The following RIN2 variants were observed in gnomAD, a reference collection of about 807,000 sequenced individuals.
RIN2 encodes RAB5 interacting protein 2.
RIN2 carries 36 observed loss-of-function variants against 78.0 expected under a neutral mutation model. The observed-to-expected ratio is 0.46, with a 90% CI of 0.35 to 0.61. The LOEUF is 0.61. Ranked by LOEUF, RIN2 falls within the 20% of genes least tolerant of loss-of-function variation. The pLI is 0.00. For missense variants in RIN2, 1,087 were observed against 1,159.7 expected, an observed-to-expected ratio of 0.94 and a Z score of 0.91; for synonymous variants, 466 against 466.8, an observed-to-expected ratio of 1.00 and a Z score of 0.02.
At chr20:19,805,907 C>G (rs1363369431) in intron 2 of RIN2, among the ~76,000 whole-genome samples, 1 of 152,070 alleles carries the variant, frequency 6.6e-6, no homozygotes, top group East Asian at 1.9e-4. Flanking sequence ...GTGATGCTCC[C>G]CTATCCTGTG....
At chr20:19,822,675 CAA>C (rs11468741) in intron 2 of RIN2, among the ~76,000 whole-genome samples, 9,043 of 152,106 alleles carry the variant, frequency 0.059, 479 homozygotes, top group African/African-American at 0.14. Flanking sequence ...CACCCACACA[CAA>C]TTACAAATTC....
At chr20:19,976,266 G>A (rs571916456) in intron 9 of RIN2, among the ~76,000 whole-genome samples, 3 of 152,110 alleles carry the variant, frequency 2.0e-5, no homozygotes, top group Non-Finnish European at 2.9e-5. Flanking sequence ...AGTTTCCACC[G>A]CAAGCTTACC....
rs916567464 is a variant in RIN2, at chr20:19,962,292, G to GA, written c.463+1487dup. Among the ~76,000 whole-genome samples the GA allele has an allele frequency of 3.1e-4, 47 of 149,650 alleles. 1 individual carries two copies. The highest frequency in any genetic ancestry group is 1.0e-4 in the Non-Finnish European group (7 of 67,322). ...CAGAGCCAGACCGTGTCTTAAAAAT[G>GA]AAAAAACAACCCAAAAATATTAAAA... On this transcript the variant is annotated intron_variant, in intron 6 of 12. Coordinates refer to ENST00000255006, the MANE Select transcript of RIN2 (RefSeq NM_018993.4).
At position 19,769,587 on chromosome 20, in the gene RIN2, T is replaced by C. The variant is rs117084294; in HGVS notation, c.-163+11260T>C. On this transcript the variant is annotated intron_variant, in intron 1 of 12. Coordinates refer to ENST00000255006, the MANE Select transcript of RIN2 (RefSeq NM_018993.4). ...ATGTAAATTACTTCAAACTAGCAGA[T>C]CACAAGAGATTTCAGAGATGAAGCA... is the stretch of plus-strand genomic sequence containing the variant. Among the ~76,000 whole-genome samples the C allele has an allele frequency of 5.3e-5, 8 of 152,298 alleles. No homozygotes were observed. The South Asian group carries it at 1.2e-3, about 24-fold the overall frequency.
intron 1 of RIN2, among the ~76,000 whole-genome samples, chr20:19,782,619 C>T (rs538673165): frequency 1.7e-4 from 26 of 150,480 alleles, no homozygotes; most frequent in Non-Finnish European, 3.0e-4. Context: ...TTAAAAATAA[C>T]GGCTGATTTA....
intron 2 of RIN2, among the ~76,000 whole-genome samples, chr20:19,841,417 C>T (rs1299525184): frequency 6.6e-6 from 1 of 152,092 alleles, no homozygotes. Context: ...GTAACAAACG[C>T]AGCCCCATAG....
intron 3 of RIN2, among the ~76,000 whole-genome samples, chr20:19,910,570 C>CTT (rs11476687): frequency 9.4e-5 from 12 of 128,086 alleles, no homozygotes; most frequent in Non-Finnish European, 1.3e-4. Context: ...AGGAAGTGAA[C>CTT]TTTTTTTTTT....
chr20:19,833,294 TATTTTA>T (rs1220089716), intron 2 of RIN2, among the ~76,000 whole-genome samples: 1 of 152,084 alleles, frequency 6.6e-6, no homozygotes, highest in Non-Finnish European at 1.5e-5. Context: ...TATATATATA[TATTTTA>T]ACTTTAAGTT....
At chr20:19,762,922 C>A (rs1417690575) in intron 1 of RIN2, among the ~76,000 whole-genome samples, 3 of 152,000 alleles carry the variant, frequency 2.0e-5, no homozygotes, top group African/African-American at 7.2e-5. Flanking sequence ...CGCCACCACA[C>A]CTGGCTAATT....
intron 11 of RIN2, among the ~76,000 whole-genome samples, chr20:19,996,346 A>C (rs779655254): frequency 1.3e-5 from 2 of 152,080 alleles, no homozygotes; most frequent in Non-Finnish European, 2.9e-5. Context: ...AAACAAACAA[A>C]AAAAACACTT....
intron 12 of RIN2, among the ~76,000 whole-genome samples, chr20:19,997,137 C>T (rs1439644712): frequency 3.3e-5 from 5 of 152,112 alleles, no homozygotes; most frequent in East Asian, 1.9e-4. Flanking sequence ...TTGGCACAGA[C>T]GTTGGAGATT....
At position 19,916,356 on chromosome 20, in the gene RIN2, C is replaced by T. The variant is rs1600789861; in HGVS notation, c.58-18743C>T. ...TTTGGGGGCTGGGTGTAGTGGCTCA[C>T]GCCCATAATCCTAGTACTTTGGGAA... On this transcript the variant is annotated intron_variant, in intron 3 of 12. Transcript: ENST00000255006. Among the ~76,000 whole-genome samples the T allele has an allele frequency of 5.3e-5, 8 of 152,344 alleles. No homozygotes were observed. The South Asian group carries it at 1.0e-3, about 20-fold the overall frequency.
intron 1 of RIN2, among the ~76,000 whole-genome samples, chr20:19,776,945 T>C (rs922769075): frequency 1.3e-5 from 2 of 152,172 alleles, no homozygotes; most frequent in Non-Finnish European, 2.9e-5. Context: ...CAGGATCTCC[T>C]TGGGCTCTAA....
At chr20:19,886,454 ATG>A in intron 2 of RIN2, 2 of 481,026 alleles carry the variant, frequency 4.2e-6, no homozygotes, top group Non-Finnish European at 7.3e-6. Context: ...CTCTAGGAGA[ATG>A]AGGAATAGTC....
At chr20:19,770,058 A>C (rs1230534705) in intron 1 of RIN2, among the ~76,000 whole-genome samples, 5 of 152,164 alleles carry the variant, frequency 3.3e-5, no homozygotes, top group Admixed American at 1.3e-4. Flanking sequence ...CATTCTGAGG[A>C]ATTGTTTCTA....
intron 2 of RIN2, among the ~76,000 whole-genome samples, chr20:19,876,123 G>T (rs1318580855): frequency 6.6e-6 from 1 of 152,200 alleles, no homozygotes; most frequent in Non-Finnish European, 1.5e-5. Flanking sequence ...ACTGCTTCTC[G>T]TACTTTTTTC....
At chr20:19,931,838 T>A (rs1202718048) in intron 3 of RIN2, among the ~76,000 whole-genome samples, 6 of 152,106 alleles carry the variant, frequency 3.9e-5, no homozygotes, top group Admixed American at 3.9e-4. Flanking sequence ...AATTAATGTA[T>A]CCATTCTCCT....
At chr20:19,828,586 TC>T (rs1292168965) in intron 2 of RIN2, among the ~76,000 whole-genome samples, 13 of 152,202 alleles carry the variant, frequency 8.5e-5, no homozygotes, top group African/African-American at 3.1e-4. Flanking sequence ...ATTCCTCCAT[TC>T]ATCTCCATTA....
At chr20:19,828,340 G>A (rs766919562) in intron 2 of RIN2, among the ~76,000 whole-genome samples, 11 of 152,194 alleles carry the variant, frequency 7.2e-5, no homozygotes, top group Admixed American at 3.9e-4. Flanking sequence ...GAAGTAAGTT[G>A]AGAATAGCAG....
Sources: gnomAD v4.1 joint callset for allele counts (sites outside exome capture counted in the v4.1 genomes callset) on GRCh38, gnomAD v4.1.1 for gene constraint, MANE v1.5 for transcripts, NCBI Gene and HGNC (gene_info 2026-07-23, HGNC 2026-07-21) for gene names.